THSD7A: variants seen among roughly 807,000 people sequenced by gnomAD.
The protein encoded by THSD7A is thrombospondin type 1 domain containing 7A.
A neutral mutation model predicts 231.3 loss-of-function variants in THSD7A; 96 were observed. The observed-to-expected ratio is 0.41, with a 90% CI of 0.35 to 0.49. THSD7A has a LOEUF of 0.49. Among genes scored for constraint, THSD7A ranks in the 20% least tolerant of loss-of-function variants. The pLI, the probability that THSD7A is intolerant of heterozygous loss-of-function variation, is 0.05. For missense variants in THSD7A, 2,290 were observed against 2,070.2 expected (o/e 1.11, Z -2.06); for synonymous variants, 940 against 743.3 (o/e 1.26, Z -4.30).
intron 4 of THSD7A, among the ~76,000 whole-genome samples, chr7:11,566,679 C>T (rs1389668423): frequency 6.6e-6 from 1 of 152,108 alleles, no homozygotes; most frequent in Non-Finnish European, 1.5e-5. Flanking sequence ...TTTATTTTCT[C>T]TACTCGTGAT....
intron 6 of THSD7A, among the ~76,000 whole-genome samples, chr7:11,489,140 G>C (rs989679753): frequency 2.6e-5 from 4 of 152,000 alleles, no homozygotes; most frequent in African/African-American, 9.7e-5. Context: ...TTTAGTCCTT[G>C]GTGTAGTCAC....
At position 11,428,941 on chromosome 7, in the gene THSD7A, A is replaced by T. The variant is rs761794967; in HGVS notation, c.3243+6T>A. ...ATATCTTAACACTGTCAATGATAGA[A>T]AATACCTGGTTGACATGGTCCAGTT... On this transcript the variant is annotated splice_donor_region_variant and intron_variant, in intron 14 of 27. Transcript: ENST00000423059. The T allele has an allele frequency of 4.4e-6, 7 of 1,600,840 alleles. No homozygotes were observed. The South Asian group carries it at 7.9e-5, about 18-fold the overall frequency.
At chr7:11,658,810 A>T (rs147062257) in intron 1 of THSD7A, among the ~76,000 whole-genome samples, 1 of 151,860 alleles carries the variant, frequency 6.6e-6, no homozygotes, top group East Asian at 1.9e-4. Context: ...TCTCTGGCAT[A>T]TCTGTAGCTT....
chr7:11,724,909 A>G (rs1206603729), intron 1 of THSD7A, among the ~76,000 whole-genome samples: 1 of 151,878 alleles, frequency 6.6e-6, no homozygotes, highest in African/African-American at 2.4e-5. Flanking sequence ...AAATCAAACC[A>G]GGGAACTAAC....
intron 6 of THSD7A, among the ~76,000 whole-genome samples, chr7:11,513,811 A>T (rs938771499): frequency 1.3e-5 from 2 of 152,182 alleles, no homozygotes; most frequent in Non-Finnish European, 2.9e-5. Flanking sequence ...CCTTAATTTA[A>T]AAAACAATTT....
chr7:11,751,904 A>G (rs1021149826), intron 1 of THSD7A, among the ~76,000 whole-genome samples: 2 of 152,016 alleles, frequency 1.3e-5, no homozygotes, highest in Non-Finnish European at 2.9e-5. Flanking sequence ...TACTTACTCC[A>G]CACATAATTT....
intron 7 of THSD7A, among the ~76,000 whole-genome samples, chr7:11,476,513 T>C (rs1457527937): frequency 6.6e-6 from 1 of 152,130 alleles, no homozygotes; most frequent in Non-Finnish European, 1.5e-5. Flanking sequence ...TTATATAATG[T>C]TACTCAAGAT....
At chr7:11,576,554 T>A (rs1048496357) in intron 4 of THSD7A, among the ~76,000 whole-genome samples, 1 of 152,218 alleles carries the variant, frequency 6.6e-6, no homozygotes, top group Admixed American at 6.5e-5. Flanking sequence ...AAGTGTGGGA[T>A]AGACAGTAAT....
rs1472897984 is a variant in THSD7A, at chr7:11,372,651, CTCT to C, written c.*3140_*3142del. ...ATAATACTGTGTCAAACTTTTTCTG[CTCT>C]TCTTTTTTTAAAAACCAAACAACAG... On this transcript the variant is annotated 3_prime_UTR_variant, in exon 28 of 28. Coordinates refer to ENST00000423059, the MANE Select transcript of THSD7A (RefSeq NM_015204.3). 6.6e-6 allele frequency: 1 copy of C among 151,984 alleles called. No individual in the cohort carries two copies. The highest frequency in any genetic ancestry group is 2.4e-5 in the African/African-American group (1 of 41,410). The allele number at this position is 151,984 out of a possible 1,614,324, so 9.4% of individuals were successfully genotyped here.
intron 1 of THSD7A, among the ~76,000 whole-genome samples, chr7:11,694,061 T>C (rs961358589): frequency 2.0e-5 from 3 of 151,518 alleles, no homozygotes; most frequent in Non-Finnish European, 4.4e-5. Flanking sequence ...TGTGCAGCTA[T>C]ATAAAAGTAT....
At chr7:11,403,671 C>T (rs929811402) in intron 22 of THSD7A, among the ~76,000 whole-genome samples, 1 of 152,154 alleles carries the variant, frequency 6.6e-6, no homozygotes, top group Non-Finnish European at 1.5e-5. Flanking sequence ...CATTTAGCAT[C>T]ATTTATTTTG....
At chr7:11,736,979 C>G (rs1489495533) in intron 1 of THSD7A, among the ~76,000 whole-genome samples, 1 of 151,992 alleles carries the variant, frequency 6.6e-6, no homozygotes, top group African/African-American at 2.4e-5. Context: ...CTTCTCTGGG[C>G]TCTCATTCTT....
intron 4 of THSD7A, among the ~76,000 whole-genome samples, chr7:11,573,602 T>C (rs1790747142): frequency 6.6e-6 from 1 of 152,220 alleles, no homozygotes; most frequent in Non-Finnish European, 1.5e-5. Flanking sequence ...GTTGTTCTTA[T>C]GGCAGGGTTC....
chr7:11,698,627 C>T (rs1414001923), intron 1 of THSD7A, among the ~76,000 whole-genome samples: 2 of 151,386 alleles, frequency 1.3e-5, no homozygotes, highest in African/African-American at 4.8e-5. Context: ...TTAATTTGCA[C>T]TTGAAGTTCT....
chr7:11,505,560 T>C (rs1286684225), intron 6 of THSD7A, among the ~76,000 whole-genome samples: 1 of 151,916 alleles, frequency 6.6e-6, no homozygotes, highest in African/African-American at 2.4e-5. Flanking sequence ...AACATCTAAA[T>C]TAAAAGGAGG....
intron 26 of THSD7A, among the ~76,000 whole-genome samples, chr7:11,378,363 T>C (rs1782364653): frequency 6.6e-6 from 1 of 152,212 alleles, no homozygotes; most frequent in Non-Finnish European, 1.5e-5. Flanking sequence ...GAGCATATGA[T>C]GAAATCCAAC....
At chr7:11,605,449 A>G (rs1446524264) in intron 2 of THSD7A, among the ~76,000 whole-genome samples, 1 of 152,058 alleles carries the variant, frequency 6.6e-6, no homozygotes, top group Non-Finnish European at 1.5e-5. Context: ...AGTTTTGCTA[A>G]TCAGAGCTGG....
intron 1 of THSD7A, among the ~76,000 whole-genome samples, chr7:11,717,312 T>C (rs1781174118): frequency 6.6e-6 from 1 of 151,662 alleles, no homozygotes; most frequent in Non-Finnish European, 1.5e-5. Context: ...CTCCCTTAAG[T>C]GATCTGTGCT....
rs1784408731 is a variant in THSD7A at position 11,429,189 on chromosome 7, C to T, written c.3065-64G>A. The stretch of plus-strand genomic sequence containing the variant: ...CCTGTCACTCTCCCATTACCACCCA[C>T]TATTCTAGGTCATTTAGAAGGTCCA... On this transcript the variant is annotated intron_variant, in intron 13 of 27. Transcript: ENST00000423059. The T allele has an allele frequency of 3.4e-6, 5 of 1,470,628 alleles. 1 individual carries two copies. The East Asian group carries it at 1.2e-4, about 35-fold the overall frequency. The allele number at this position is 1,470,628 out of a possible 1,614,324, so 91.1% of individuals were successfully genotyped here. A position where few individuals can be genotyped will look rare whatever the true frequency, so the allele number is the denominator to read the frequency against.
Sources: gnomAD v4.1 joint callset for allele counts (sites outside exome capture counted in the v4.1 genomes callset) on GRCh38, gnomAD v4.1.1 for gene constraint, MANE v1.5 for transcripts, NCBI Gene and HGNC (gene_info 2026-07-23, HGNC 2026-07-21) for gene names.